Variants in API5 observed in about 807,000 individuals in gnomAD.
The protein encoded by API5 is apoptosis inhibitor 5.
A neutral mutation model predicts 71.9 loss-of-function variants in API5; 6 were observed. The ratio of observed to expected loss-of-function variants is 0.08; its 90% CI spans 0.05 to 0.16. The LOEUF (loss-of-function observed/expected upper bound fraction) is 0.16. Ranked by LOEUF, API5 falls within the 10% of genes least tolerant of loss-of-function variation. The pLI is 1.00. For missense variants in API5, 332 were observed against 612.8 expected (o/e 0.54, Z 4.84); for synonymous variants, 189 against 221.3 (o/e 0.85, Z 1.30).
chr11:43,323,317 A>G (rs944495519), intron 5 of API5, 113 bp from the exon 6 acceptor site: 6 of 993,170 alleles, frequency 6.0e-6, no homozygotes, highest in East Asian at 5.2e-5. Flanking sequence ...TTTTGGAAGC[A>G]TTAATAACAA....
intron 13 of API5, among the ~76,000 whole-genome samples, chr11:43,337,762 G>A (rs1376653802): frequency 2.0e-5 from 3 of 152,180 alleles, no homozygotes; most frequent in Non-Finnish European, 4.4e-5. Context: ...CAGATACTGG[G>A]AGAATGGCTT....
Position 43,320,810 on chromosome 11 carries a change from A to T in API5, c.232-11A>T. ...AGTATTTGGTTAATTTTTGTTTGAA[A>T]TCATGCCCAGATTCGACGTCAAGCA... On this transcript the variant is annotated splice_polypyrimidine_tract_variant and intron_variant, in intron 2 of 13. Coordinates refer to ENST00000531273, the MANE Select transcript of API5 (RefSeq NM_001142930.2). The T allele has an allele frequency of 6.2e-7, 1 of 1,608,252 alleles. No individual in the cohort carries two copies. The highest frequency in any genetic ancestry group is 2.2e-5 in the East Asian group (1 of 44,874).
chr11:43,316,012 A>G (rs1241015754), intron 1 of API5, among the ~76,000 whole-genome samples: 2 of 152,196 alleles, frequency 1.3e-5, no homozygotes, highest in African/African-American at 2.4e-5. Context: ...GATCTGTATA[A>G]TGCTGAAACC....
chr11:43,312,287 C>T, intron 1 of API5, 91 bp downstream of exon 1: 1 of 1,407,970 alleles, frequency 7.1e-7, no homozygotes, highest in South Asian at 1.2e-5. Flanking sequence ...CGAGCGGGGG[C>T]TGCGGCTTCA....
chr11:43,312,506 A>C (rs1046884864), intron 1 of API5, among the ~76,000 whole-genome samples: 1 of 151,894 alleles, frequency 6.6e-6, no homozygotes, highest in Non-Finnish European at 1.5e-5. Flanking sequence ...TCTCTACAGG[A>C]TTCTCTTAAG....
chr11:43,318,953 T>G, intron 2 of API5, 152 bp downstream of exon 2: 1 of 674,342 alleles, frequency 1.5e-6, no homozygotes, highest in Non-Finnish European at 2.4e-6. Flanking sequence ...AATTTACATA[T>G]GATAAAGTGT....
intron 1 of API5, 187 bp from the exon 2 acceptor site, chr11:43,318,426 TCCATCTCCCCCAACTCAAAAATGAAAC>T: frequency 6.5e-7 from 1 of 1,533,504 alleles, no homozygotes; most frequent in East Asian, 2.4e-5. Flanking sequence ...ATTAGACTCA[TCCATCTCCCCCAACTCAAAAATGAAAC>T]AAAGATGGAG....
chr11:43,330,194 A>T (rs1855207665), intron 10 of API5, 136 bp downstream of exon 10: 1 of 712,816 alleles, frequency 1.4e-6, no homozygotes, highest in African/African-American at 1.8e-5. Flanking sequence ...AATATTTTAG[A>T]TTTTTATTAT....
chr11:43,321,833 A>G, intron 4 of API5, 152 bp from the exon 5 acceptor site: 1 of 733,862 alleles, frequency 1.4e-6, no homozygotes, highest in Non-Finnish European at 2.1e-6. Flanking sequence ...TTCAGGCTGT[A>G]GAAATTTCAG....
intron 1 of API5, among the ~76,000 whole-genome samples, chr11:43,312,560 C>G (rs117159940): frequency 6.6e-6 from 1 of 152,036 alleles, no homozygotes; most frequent in Non-Finnish European, 1.5e-5. Flanking sequence ...AAGATTAGAT[C>G]GGGAGTTTTC....
At chr11:43,322,958 G>A (rs949723041) in intron 5 of API5, among the ~76,000 whole-genome samples, 1 of 152,102 alleles carries the variant, frequency 6.6e-6, no homozygotes, top group African/African-American at 2.4e-5. Flanking sequence ...AGACTTGCAA[G>A]GTGACCTATT....
At chr11:43,320,957 T>G in intron 3 of API5, 43 bp downstream of exon 3, 2 of 1,500,870 alleles carry the variant, frequency 1.3e-6, no homozygotes, top group Non-Finnish European at 1.8e-6. Context: ...ATATATATCT[T>G]CTTTCTGAAA....
chr11:43,340,294 A>G, intron 13 of API5: 1 of 277,156 alleles, frequency 3.6e-6, no homozygotes, highest in Non-Finnish European at 7.0e-6. Flanking sequence ...ATACAAACAA[A>G]TTGAAAGACA....
chr11:43,338,459 C>T (rs888760015), intron 13 of API5, among the ~76,000 whole-genome samples: 1 of 151,840 alleles, frequency 6.6e-6, no homozygotes, highest in East Asian at 1.9e-4. Flanking sequence ...GTGTTCTTTA[C>T]TTTTTGGAAT....
At chr11:43,334,336 C>T (rs761243853) in intron 11 of API5, among the ~76,000 whole-genome samples, 10 of 152,062 alleles carry the variant, frequency 6.6e-5, no homozygotes, top group Non-Finnish European at 1.0e-4. Context: ...GAAGATTTGC[C>T]GTTTCCTCTT....
intron 3 of API5, among the ~76,000 whole-genome samples, chr11:43,321,172 T>C (rs950852253): frequency 6.6e-6 from 1 of 152,190 alleles, no homozygotes; most frequent in Non-Finnish European, 1.5e-5. Context: ...TCATAATTTT[T>C]CCCCCAATTT....
intron 2 of API5, among the ~76,000 whole-genome samples, chr11:43,319,314 T>C (rs1854783875): frequency 6.6e-6 from 1 of 152,202 alleles, no homozygotes; most frequent in Non-Finnish European, 1.5e-5. Context: ...ACCAGTAATA[T>C]TTCTGGCTGC....
At chr11:43,330,664 A>C in intron 11 of API5, 100 bp downstream of exon 11, 1 of 917,978 alleles carries the variant, frequency 1.1e-6, no homozygotes, top group Non-Finnish European at 1.7e-6. Flanking sequence ...AAAGGGAGGC[A>C]TGCAAACTTC....
chr11:43,318,385 T>G, intron 1 of API5: 1 of 1,477,906 alleles, frequency 6.8e-7, no homozygotes, highest in South Asian at 1.2e-5. Flanking sequence ...TATTGGCATA[T>G]TAACAAACAC....
Sources: allele counts gnomAD v4.1 joint callset (sites outside exome capture counted in the v4.1 genomes callset), GRCh38; gene constraint gnomAD v4.1.1; transcripts MANE v1.5; gene names NCBI Gene and HGNC (gene_info 2026-07-23, HGNC 2026-07-21).